Variants in ERLIN1 observed in about 807,000 individuals in gnomAD.
ERLIN1 encodes ER lipid raft associated 1.
ERLIN1 carries 24 observed loss-of-function variants against 46.9 expected under a neutral mutation model. The ratio of observed to expected loss-of-function variants is 0.51; its 90% CI spans 0.37 to 0.72. The LOEUF is 0.72. Ranked by LOEUF, ERLIN1 falls within the 30% of genes least tolerant of loss-of-function variation. The pLI is 0.00. For synonymous variants in ERLIN1, 158 were observed against 143.2 expected, an observed-to-expected ratio of 1.10 and a Z score of -0.74; for missense variants, 293 against 417.9, an observed-to-expected ratio of 0.70 and a Z score of 2.61.
intron 4 of ERLIN1, among the ~76,000 whole-genome samples, chr10:100,177,359 C>T (rs1428791794): frequency 1.3e-5 from 2 of 152,130 alleles, no homozygotes; most frequent in Non-Finnish European, 2.9e-5. Context: ...AATCCAAATG[C>T]CCTTGACAGT....
chr10:100,183,649 A>G, intron 2 of ERLIN1, 107 bp downstream of exon 2: 1 of 673,558 alleles, frequency 1.5e-6, no homozygotes, highest in Non-Finnish European at 2.6e-6. Context: ...TTAAGTAAAT[A>G]CCACCATCTG....
intron 6 of ERLIN1, among the ~76,000 whole-genome samples, chr10:100,172,197 C>T (rs1195696683): frequency 2.0e-5 from 3 of 152,078 alleles, no homozygotes; most frequent in Non-Finnish European, 4.4e-5. Context: ...TTTACCAAAC[C>T]TATATTTTTG....
At position 100,152,195 on chromosome 10, in the gene ERLIN1, G is replaced by A; in HGVS notation, c.983C>T (p.Pro328Leu). Residue 328 changes from proline (P) to leucine (L), a missense_variant, in exon 11 of 11, where the codon CCC becomes CTC. Transcript: ENST00000421367. ...DIRTGRESSLPSKEALEPSGE... is the reference protein window; with the variant it reads ...DIRTGRESSLLSKEALEPSGE... ...AGAGGGTTCAAGAGCCTCCTTAGAGGGGAGTGAGCTTTCTCTTCCAGTCCT... is the reference window on the plus strand; with the variant it reads ...AGAGGGTTCAAGAGCCTCCTTAGAGAGGAGTGAGCTTTCTCTTCCAGTCCT... 3 of 1,613,536 alleles carry A rather than the reference G, an allele frequency of 1.9e-6. No individual in the cohort carries two copies. The highest frequency in any genetic ancestry group is 2.5e-6 in the Non-Finnish European group (3 of 1,179,452).
chr10:100,174,389 C>G, intron 5 of ERLIN1, 108 bp from the exon 6 acceptor site: 1 of 806,054 alleles, frequency 1.2e-6, no homozygotes, highest in Non-Finnish European at 2.0e-6. Flanking sequence ...TTCCACAGTA[C>G]TATTCTTTTA....
intron 7 of ERLIN1, among the ~76,000 whole-genome samples, chr10:100,165,785 G>A (rs1843604685): frequency 6.6e-6 from 1 of 152,010 alleles, no homozygotes; most frequent in Non-Finnish European, 1.5e-5. Context: ...GAGTGCAATG[G>A]CGTGGTCTCG....
intron 2 of ERLIN1, among the ~76,000 whole-genome samples, chr10:100,180,926 A>G (rs1401457661): frequency 6.6e-6 from 1 of 152,220 alleles, no homozygotes; most frequent in Non-Finnish European, 1.5e-5. Flanking sequence ...ATCCAGACAT[A>G]ATAGAGGAGG....
chr10:100,156,009 T>C, intron 9 of ERLIN1, 136 bp downstream of exon 9: 1 of 551,422 alleles, frequency 1.8e-6, no homozygotes, highest in East Asian at 2.9e-5. Context: ...ATTTAGACTA[T>C]CAGGCCAGCT....
intron 2 of ERLIN1, among the ~76,000 whole-genome samples, chr10:100,180,932 G>A (rs189301170): frequency 6.8e-4 from 103 of 152,226 alleles, no homozygotes; most frequent in Non-Finnish European, 1.2e-3. Flanking sequence ...ACATAATAGA[G>A]GAGGTATCTG....
chr10:100,178,573 G>C (rs1212674294), intron 3 of ERLIN1, among the ~76,000 whole-genome samples: 1 of 152,158 alleles, frequency 6.6e-6, no homozygotes, highest in Non-Finnish European at 1.5e-5. Flanking sequence ...AGGAACTTTT[G>C]TTAGAAATGC....
intron 9 of ERLIN1, 37 bp downstream of exon 9, chr10:100,156,108 G>A (rs763094572): frequency 6.4e-5 from 87 of 1,367,922 alleles, no homozygotes; most frequent in Middle Eastern, 5.3e-4. Context: ...GAGGCAGTTC[G>A]GGACAGGCAG....
In ERLIN1 at chr10:100,152,024, C is replaced by G; in HGVS notation, c.*107G>C. On this transcript the variant is annotated 3_prime_UTR_variant, in exon 11 of 11. Transcript: ENST00000421367. Reference sequence around the variant, plus strand: ...CAGGACTATCGCAGGAGAGGTGGAACAGATGAAGTGTAAGTTCTCTGTAAA... The same window carrying G: ...CAGGACTATCGCAGGAGAGGTGGAAGAGATGAAGTGTAAGTTCTCTGTAAA... The G allele has an allele frequency of 2.6e-6, 2 of 768,012 alleles. No individual in the cohort carries two copies. Among genetic ancestry groups the G allele is most frequent in the Non-Finnish European group, 4.6e-6 (2 of 434,322 alleles). The allele number at this position is 768,012 out of a possible 1,614,324, so 47.6% of individuals were successfully genotyped here.
At chr10:100,155,584 G>A (rs958247118) in intron 9 of ERLIN1, among the ~76,000 whole-genome samples, 11 of 151,466 alleles carry the variant, frequency 7.3e-5, no homozygotes, top group East Asian at 5.8e-4. Flanking sequence ...GCGGGATCTC[G>A]GCTCACTGCA....
At position 100,184,672 on chromosome 10, in the gene ERLIN1, C is replaced by G. The variant is rs138066919; in HGVS notation, c.114-835G>C. Among the ~76,000 whole-genome samples, 1,378 of 152,256 alleles carry G rather than the reference C, an allele frequency of 9.1e-3. 20 individuals carry two copies. Among genetic ancestry groups the G allele is most frequent in the South Asian group, 0.053 (256 of 4,826 alleles). On this transcript the variant is annotated intron_variant, in intron 1 of 10. Transcript: ENST00000421367. ...TGGTTTTACTGTCAGAAAGACAATGCTTTTAAACTGGAAGGAAATCTGGAC... is the reference window on the plus strand; with the variant it reads ...TGGTTTTACTGTCAGAAAGACAATGGTTTTAAACTGGAAGGAAATCTGGAC...
At chr10:100,159,376 T>C (rs974411271) in intron 8 of ERLIN1, among the ~76,000 whole-genome samples, 11 of 152,052 alleles carry the variant, frequency 7.2e-5, no homozygotes, top group Admixed American at 1.3e-4. Context: ...AGGCAAAAAT[T>C]AGAAGAATAC....
intron 6 of ERLIN1, among the ~76,000 whole-genome samples, chr10:100,173,581 C>T (rs1322510421): frequency 2.0e-5 from 3 of 152,134 alleles, no homozygotes; most frequent in Non-Finnish European, 4.4e-5. Flanking sequence ...AACCTCTCAC[C>T]ATTCTATTTC....
At chr10:100,179,092 C>G (rs1025472454) in intron 3 of ERLIN1, 109 bp downstream of exon 3, 9 of 803,660 alleles carry the variant, frequency 1.1e-5, no homozygotes, top group Non-Finnish European at 1.6e-5. Context: ...CAGAAGTCCC[C>G]TTGGGTTAAC....
intron 8 of ERLIN1, among the ~76,000 whole-genome samples, chr10:100,159,942 CA>C (rs1413205838): frequency 6.8e-6 from 1 of 147,072 alleles, no homozygotes; most frequent in Non-Finnish European, 1.5e-5. Flanking sequence ...TAACAATCAA[CA>C]AAACCAAAAC....
At chr10:100,180,903 A>T (rs1844604006) in intron 2 of ERLIN1, among the ~76,000 whole-genome samples, 1 of 152,246 alleles carries the variant, frequency 6.6e-6, no homozygotes, top group Non-Finnish European at 1.5e-5. Flanking sequence ...AGTAAAGGCC[A>T]TGAAAGCTGT....
chr10:100,182,566 C>T (rs2134183448), intron 2 of ERLIN1, among the ~76,000 whole-genome samples: 1 of 152,232 alleles, frequency 6.6e-6, no homozygotes, highest in Non-Finnish European at 1.5e-5. Flanking sequence ...ACAACTTCCA[C>T]CATAAATAGA....
Sources: gnomAD v4.1 joint callset for allele counts (sites outside exome capture counted in the v4.1 genomes callset) on GRCh38, gnomAD v4.1.1 for gene constraint, MANE v1.5 for transcripts, NCBI Gene and HGNC (gene_info 2026-07-23, HGNC 2026-07-21) for gene names.